THSD4: variants seen among roughly 807,000 people sequenced by gnomAD.
The protein encoded by THSD4 is thrombospondin type 1 domain containing 4, also known as thrombospondin type-1 domain-containing protein 4.
A neutral mutation model predicts 119.0 loss-of-function variants in THSD4; 69 were observed. The ratio of observed to expected loss-of-function variants is 0.58; its 90% CI spans 0.48 to 0.71. THSD4 has a LOEUF of 0.71. Ranked by LOEUF, THSD4 falls within the 30% of genes least tolerant of loss-of-function variation. The pLI is 0.00. For synonymous variants in THSD4, 524 were observed against 540.4 expected (o/e 0.97, Z 0.42); for missense variants, 1,393 against 1,391.1 (o/e 1.00, Z -0.02).
At chr15:71,610,551 C>A (rs904437661) in intron 7 of THSD4, among the ~76,000 whole-genome samples, 1 of 152,186 alleles carries the variant, frequency 6.6e-6, no homozygotes, top group Non-Finnish European at 1.5e-5. Context: ...ATGGAGATGA[C>A]AACAGGGACA....
chr15:71,137,125 G>T (rs909375363), intron 1 of THSD4, among the ~76,000 whole-genome samples: 9 of 152,176 alleles, frequency 5.9e-5, no homozygotes, highest in Non-Finnish European at 1.2e-4. Context: ...ACAGAAACTA[G>T]ATTGTTAGAT....
intron 6 of THSD4, among the ~76,000 whole-genome samples, chr15:71,281,897 T>C (rs543299493): frequency 6.6e-6 from 1 of 152,362 alleles, no homozygotes; most frequent in South Asian, 2.1e-4. Flanking sequence ...GCAGTTTCAC[T>C]GTCCTTTGGC....
intron 6 of THSD4, among the ~76,000 whole-genome samples, chr15:71,343,412 C>G (rs1435538459): frequency 6.6e-6 from 1 of 152,132 alleles, no homozygotes; most frequent in Non-Finnish European, 1.5e-5. Flanking sequence ...TGGTTTAAAA[C>G]AACAAAAATT....
intron 7 of THSD4, among the ~76,000 whole-genome samples, chr15:71,558,336 AT>A (rs1454773417): frequency 1.3e-5 from 2 of 152,188 alleles, no homozygotes; most frequent in Non-Finnish European, 2.9e-5. Context: ...TCAGAAAAAA[AT>A]ATATGTGTGT....
At chr15:71,532,181 G>A (rs886617145) in intron 7 of THSD4, among the ~76,000 whole-genome samples, 2 of 151,866 alleles carry the variant, frequency 1.3e-5, no homozygotes, top group African/African-American at 4.8e-5. Flanking sequence ...GGCCTAGAGG[G>A]AAGAGAGACA....
At chr15:71,264,950 G>A (rs574101000) in intron 6 of THSD4, among the ~76,000 whole-genome samples, 4 of 152,194 alleles carry the variant, frequency 2.6e-5, no homozygotes, top group South Asian at 4.2e-4. Flanking sequence ...AACCCCCAGC[G>A]TATTTGAAGA....
intron 3 of THSD4, among the ~76,000 whole-genome samples, chr15:71,207,581 C>A (rs1176595331): frequency 6.6e-6 from 1 of 152,194 alleles, no homozygotes; most frequent in South Asian, 2.1e-4. Flanking sequence ...CAGTACTGGG[C>A]CGCAGCCTGT....
chr15:71,153,254 A>T (rs2040743512), intron 2 of THSD4, among the ~76,000 whole-genome samples: 1 of 152,142 alleles, frequency 6.6e-6, no homozygotes, highest in African/African-American at 2.4e-5. Flanking sequence ...GCACTCCTAC[A>T]TCCATCTTCA....
chr15:71,496,118 C>T (rs1246357023), intron 7 of THSD4, among the ~76,000 whole-genome samples: 3 of 152,202 alleles, frequency 2.0e-5, no homozygotes, highest in Admixed American at 6.5e-5. Context: ...CAGTTTGGAA[C>T]GTCGCTTGTT....
chr15:71,562,706 T>TTC (rs1355142099), intron 7 of THSD4, among the ~76,000 whole-genome samples: 3 of 149,446 alleles, frequency 2.0e-5, no homozygotes, highest in African/African-American at 7.4e-5. Context: ...TCCTTTTTTT[T>TTC]TTTTTTCTTT....
chr15:71,270,186 C>T (rs1474802593), intron 6 of THSD4, among the ~76,000 whole-genome samples: 1 of 152,190 alleles, frequency 6.6e-6, no homozygotes, highest in East Asian at 1.9e-4. Flanking sequence ...CATCACACTA[C>T]CTGACTTCAA....
chr15:71,530,998 A>G lies in THSD4; in HGVS notation c.1152+119175A>G, dbSNP rs575989701. On this transcript the variant is annotated intron_variant, in intron 7 of 17. Coordinates refer to ENST00000261862, the MANE Select transcript of THSD4 (RefSeq NM_024817.3). ...GGTGCTAACTTAGATTTTGAGTCAG[A>G]ATGCCTCTCTGGAAGAATGTGCTTC... Among the ~76,000 whole-genome samples, 3 of 152,258 alleles carry G rather than the reference A, an allele frequency of 2.0e-5. No homozygotes were observed. The East Asian group carries it at 5.8e-4, about 29-fold the overall frequency.
At chr15:71,677,092 G>A (rs935163910) in intron 8 of THSD4, among the ~76,000 whole-genome samples, 13 of 152,082 alleles carry the variant, frequency 8.5e-5, no homozygotes, top group African/African-American at 3.1e-4. Flanking sequence ...CCACATTCTC[G>A]CCAACACTTC....
intron 7 of THSD4, among the ~76,000 whole-genome samples, chr15:71,630,859 G>A (rs533859542): frequency 8.1e-4 from 123 of 152,248 alleles, no homozygotes; most frequent in Middle Eastern, 6.8e-3. Flanking sequence ...GGCTCCTCAC[G>A]GCAAAGGTTT....
intron 7 of THSD4, among the ~76,000 whole-genome samples, chr15:71,421,923 T>A (rs1420006814): frequency 3.3e-5 from 5 of 152,232 alleles, no homozygotes; most frequent in African/African-American, 1.2e-4. Context: ...TACTGATTCT[T>A]CTTTCTGCCT....
chr15:71,404,902 C>T (rs1407214016), intron 6 of THSD4, among the ~76,000 whole-genome samples: 1 of 150,884 alleles, frequency 6.6e-6, no homozygotes, highest in African/African-American at 2.4e-5. Context: ...CTTTGCTTTT[C>T]TTTTTTGACA....
intron 6 of THSD4, among the ~76,000 whole-genome samples, chr15:71,409,230 T>C (rs767559835): frequency 2.7e-5 from 4 of 150,912 alleles, no homozygotes; most frequent in African/African-American, 9.7e-5. Context: ...CAAAAGATAG[T>C]ATCTCAAAAG....
intron 7 of THSD4, among the ~76,000 whole-genome samples, chr15:71,577,452 C>T (rs2049471342): frequency 6.6e-6 from 1 of 152,088 alleles, no homozygotes. Flanking sequence ...TTGTAAAATA[C>T]GAGGAGGATA....
intron 13 of THSD4, 115 bp downstream of exon 13, chr15:71,747,157 G>A (rs1026240128): frequency 3.1e-5 from 38 of 1,215,048 alleles, no homozygotes; most frequent in African/African-American, 1.6e-4. Context: ...GAGGGAACCC[G>A]TCCCGTGGGG....
Sources: allele counts gnomAD v4.1 joint callset (sites outside exome capture counted in the v4.1 genomes callset), GRCh38; gene constraint gnomAD v4.1.1; transcripts MANE v1.5; gene names NCBI Gene and HGNC (gene_info 2026-07-23, HGNC 2026-07-21).